Variants in PCDH15 observed in about 807,000 individuals in gnomAD.
PCDH15 encodes protocadherin related 15.
In PCDH15, 129 loss-of-function variants were observed where a neutral mutation model predicts 178.5. The ratio of observed to expected loss-of-function variants is 0.72; its 90% confidence interval spans 0.63 to 0.84. The LOEUF is 0.84. Among genes scored for constraint, PCDH15 ranks in the 40% least tolerant of loss-of-function variants. The pLI is 0.00. For missense variants in PCDH15, 2,230 were observed against 2,099.9 expected (o/e 1.06, Z -1.21); for synonymous variants, 800 against 732.0 (o/e 1.09, Z -1.50).
At chr10:54,372,653 G>T (rs1232435904) in intron 4 of PCDH15, among the ~76,000 whole-genome samples, 1 of 151,648 alleles carries the variant, frequency 6.6e-6, no homozygotes, top group Non-Finnish European at 1.5e-5. Flanking sequence ...TTCATAACTG[G>T]TGGCAAAAAT....
chr10:54,909,623 C>T (rs1047846149), intron 2 of PCDH15, among the ~76,000 whole-genome samples: 1 of 152,012 alleles, frequency 6.6e-6, no homozygotes, highest in Non-Finnish European at 1.5e-5. Flanking sequence ...TGCAAAGATT[C>T]CCTGGCCCAT....
intron 18 of PCDH15, among the ~76,000 whole-genome samples, chr10:54,041,809 G>T (rs951524933): frequency 1.3e-4 from 19 of 151,990 alleles, no homozygotes; most frequent in African/African-American, 4.1e-4. Flanking sequence ...ACACTGTCAG[G>T]AAGTTTGGAA....
intron 25 of PCDH15, among the ~76,000 whole-genome samples, chr10:53,928,329 T>C (rs1321794885): frequency 6.6e-6 from 1 of 152,024 alleles, no homozygotes; most frequent in Non-Finnish European, 1.5e-5. Context: ...ATAAATATTT[T>C]ACTAACAGAA....
intron 9 of PCDH15, among the ~76,000 whole-genome samples, chr10:54,229,515 A>G (rs2053830042): frequency 6.6e-6 from 1 of 152,232 alleles, no homozygotes; most frequent in African/African-American, 2.4e-5. Context: ...TGTAACTCCC[A>G]CAGTTTCTGA....
At chr10:53,825,450 T>TAAAAATTTTAA (rs2076615413) in intron 32 of PCDH15, among the ~76,000 whole-genome samples, 1 of 151,744 alleles carries the variant, frequency 6.6e-6, no homozygotes, top group Non-Finnish European at 1.5e-5. Context: ...AATCCTAAAA[T>TAAAAATTTTAA]AAAAATTTTA....
intron 27 of PCDH15, among the ~76,000 whole-genome samples, chr10:53,860,987 T>C (rs140441607): frequency 1.7e-3 from 264 of 152,252 alleles, no homozygotes; most frequent in African/African-American, 6.1e-3. Flanking sequence ...ATCATTACTT[T>C]AAAATTTTTA....
At position 54,153,087 on chromosome 10, in the gene PCDH15, T is replaced by C. The variant is rs761200158; in HGVS notation, c.1784+13A>G. 63 of 1,613,486 alleles carry C rather than the reference T, an allele frequency of 3.9e-5. No individual in the cohort carries two copies. The East Asian group carries it at 1.3e-3, about 34-fold the overall frequency. ...CCCGATGAAAAGACTGCATTGGTTC[T>C]AATATAAATTACCTTCGCTCTGCAG... On this transcript the variant is annotated intron_variant, in intron 14 of 37. Transcript: ENST00000644397.
At chr10:54,818,238 A>G (rs1204262821) in intron 3 of PCDH15, among the ~76,000 whole-genome samples, 1 of 152,028 alleles carries the variant, frequency 6.6e-6, no homozygotes, top group East Asian at 1.9e-4. Flanking sequence ...AAAAGGCCTA[A>G]AGACCTTTAC....
intron 26 of PCDH15, among the ~76,000 whole-genome samples, chr10:53,899,961 GCTTA>G (rs571228285): frequency 5.2e-4 from 78 of 149,576 alleles, no homozygotes; most frequent in African/African-American, 1.8e-3. Flanking sequence ...CTGAGTTTTG[GCTTA>G]CTTAGTTTGT....
intron 3 of PCDH15, among the ~76,000 whole-genome samples, chr10:54,436,677 T>G (rs181969603): frequency 7.9e-5 from 12 of 152,290 alleles, no homozygotes; most frequent in Non-Finnish European, 1.5e-5. Flanking sequence ...ACACACCAAA[T>G]ATGCTACAAT....
intron 1 of PCDH15, among the ~76,000 whole-genome samples, chr10:55,205,047 G>C (rs555025712): frequency 2.6e-5 from 4 of 151,886 alleles, no homozygotes; most frequent in African/African-American, 4.8e-5. Flanking sequence ...GAATAAACAG[G>C]CTCCTCAGAT....
Position 54,379,326 on chromosome 10 carries a change from C to T in PCDH15, c.158-384G>A, listed in dbSNP as rs12255491. On this transcript the variant is annotated intron_variant, in intron 3 of 37. Transcript: ENST00000644397. ...TGTCTCAATTAATTCTGTTAGACCT[C>T]TGATGTGAAAAAAAGATATTGTGAA... 5.5e-3 allele frequency among the ~76,000 whole-genome samples: 841 copies of T among 152,046 alleles called. 11 individuals are homozygous for T. Among genetic ancestry groups the T allele is most frequent in the African/African-American group, 0.02 (826 of 41,478 alleles).
At chr10:55,124,486 C>G (rs575463669) in intron 2 of PCDH15, among the ~76,000 whole-genome samples, 64 of 152,158 alleles carry the variant, frequency 4.2e-4, no homozygotes, top group African/African-American at 1.3e-3. Context: ...GAGCTAAACC[C>G]ACAGCATATA....
intron 32 of PCDH15, chr10:53,821,857 A>G: frequency 6.2e-7 from 1 of 1,612,722 alleles, no homozygotes; most frequent in Non-Finnish European, 8.5e-7. Flanking sequence ...GAAAAGCAAC[A>G]TTACAGTGAA....
At chr10:54,678,956 C>T (rs1053568557) in intron 1 of PCDH15, among the ~76,000 whole-genome samples, 1 of 151,780 alleles carries the variant, frequency 6.6e-6, no homozygotes, top group African/African-American at 2.4e-5. Context: ...TTTGGGAGGC[C>T]GAGGCGGGCG....
chr10:54,922,974 C>T (rs1343456263), intron 2 of PCDH15, among the ~76,000 whole-genome samples: 1 of 152,162 alleles, frequency 6.6e-6, no homozygotes, highest in Non-Finnish European at 1.5e-5. Flanking sequence ...TCTGCACTGC[C>T]CTAGTAGAGG....
intron 23 of PCDH15, among the ~76,000 whole-genome samples, chr10:53,949,190 T>C (rs1214266253): frequency 6.6e-6 from 1 of 152,194 alleles, no homozygotes; most frequent in Non-Finnish European, 1.5e-5. Context: ...ATCAAAACTG[T>C]AATGAAAGAT....
chr10:55,370,053 TA>T (rs765190519), intron 2 of PCDH15, among the ~76,000 whole-genome samples: 51 of 152,208 alleles, frequency 3.4e-4, no homozygotes, highest in Non-Finnish European at 5.3e-4. Context: ...TTAGCATTTT[TA>T]AAAGATCTGA....
intron 26 of PCDH15, among the ~76,000 whole-genome samples, chr10:53,877,146 C>T (rs888525571): frequency 2.0e-5 from 3 of 151,960 alleles, no homozygotes; most frequent in African/African-American, 7.2e-5. Flanking sequence ...ATTGAAGTTT[C>T]CTTTTTTATT....
Sources: allele counts gnomAD v4.1 joint callset (sites outside exome capture counted in the v4.1 genomes callset), GRCh38; gene constraint gnomAD v4.1.1; transcripts MANE v1.5; gene names NCBI Gene and HGNC (gene_info 2026-07-23, HGNC 2026-07-21).